Variants in USP34 observed in about 807,000 individuals in gnomAD.
The protein encoded by USP34 is ubiquitin specific peptidase 34.
A neutral mutation model predicts 460.3 loss-of-function variants in USP34; 70 were observed. That is an observed-to-expected ratio of 0.15 (90% CI 0.13 to 0.19). The LOEUF is 0.19. USP34 is among the 10% of genes least tolerant of loss of function. The pLI is 1.00. For synonymous variants in USP34, 1,647 were observed against 1,405.3 expected (o/e 1.17, Z -3.85); for missense variants, 3,985 against 4,236.2 (o/e 0.94, Z 1.65).
At chr2:61,271,503 G>A (rs1689212365) in intron 41 of USP34, among the ~76,000 whole-genome samples, 1 of 152,044 alleles carries the variant, frequency 6.6e-6, no homozygotes. Context: ...TCATCCATTT[G>A]CTCAACATAG....
intron 29 of USP34, among the ~76,000 whole-genome samples, chr2:61,299,160 T>TA (rs1199858483): frequency 6.6e-6 from 1 of 151,968 alleles, no homozygotes; most frequent in Admixed American, 6.6e-5. Flanking sequence ...AACTGAGGTA[T>TA]AAGAAACAGA....
chr2:61,365,294 T>TACACACACACACACAC (rs1255160949), intron 10 of USP34, among the ~76,000 whole-genome samples: 1 of 109,756 alleles, frequency 9.1e-6, no homozygotes, highest in Non-Finnish European at 2.0e-5. Context: ...CACACACACG[T>TACACACACACACACAC]GTGTTTATTT....
chr2:61,347,930 C>A lies in USP34; in HGVS notation c.2225G>T (p.Arg742Leu). 1 of 1,613,892 alleles carries A rather than the reference C, an allele frequency of 6.2e-7. No homozygotes were observed. The highest frequency in any genetic ancestry group is 1.3e-5 in the African/African-American group (1 of 74,992). The change falls in exon 15 of 80, where the codon CGA (arginine) becomes CTA (leucine). Residue 742 changes from arginine (R) to leucine (L), a missense_variant. Around this residue, in one of 14 missense-constraint regions of USP34, gnomAD observed 716 missense variants for 626.2 expected, o/e 1.14. Coordinates refer to ENST00000398571, the MANE Select transcript of USP34 (RefSeq NM_014709.4). ...GTGATGCTGTGGACCAATAAATTGT[C>A]GACAATTAAATAATTCATTCCCAAT... ...ETIGNELFNCRQFIGPQHHHH... is the reference protein window; with the variant it reads ...ETIGNELFNCLQFIGPQHHHH...
intron 1 of USP34, among the ~76,000 whole-genome samples, chr2:61,434,987 A>G (rs1210914734): frequency 6.6e-6 from 1 of 152,142 alleles, no homozygotes; most frequent in Non-Finnish European, 1.5e-5. Context: ...AATAAGGAAA[A>G]TAATTCATGA....
chr2:61,406,375 C>T (rs769768358), intron 2 of USP34, among the ~76,000 whole-genome samples: 3 of 151,970 alleles, frequency 2.0e-5, no homozygotes, highest in Non-Finnish European at 2.9e-5. Context: ...ATTTGTCTGT[C>T]CTTCTACACA....
intron 41 of USP34, among the ~76,000 whole-genome samples, chr2:61,270,527 C>T (rs1188493459): frequency 2.6e-5 from 4 of 152,188 alleles, no homozygotes; most frequent in Admixed American, 2.6e-4. Context: ...CCTCCACCTC[C>T]CTGGTTCAAG....
Position 61,241,825 on chromosome 2 carries a change from T to C in USP34, c.6628-6A>G, listed in dbSNP as rs543184506. On this transcript the variant is annotated splice_polypyrimidine_tract_variant and splice_region_variant and intron_variant, in intron 51 of 79. Transcript: ENST00000398571. Reference sequence around the variant, plus strand: ...ACAGAATCATAGGTCTTGGTCTGTTTAAAAATACAAAAGTTTTACTTCTTT... The same window carrying C: ...ACAGAATCATAGGTCTTGGTCTGTTCAAAAATACAAAAGTTTTACTTCTTT... The C allele has an allele frequency of 3.4e-6, 5 of 1,491,582 alleles. No individual in the cohort carries two copies. In the African/African-American group the frequency reaches 4.3e-5, roughly 13 times the overall value. 92.4% of individuals were successfully genotyped at this position (1,491,582 alleles called of 1,614,324 possible).
intron 1 of USP34, among the ~76,000 whole-genome samples, chr2:61,463,669 A>T (rs1030562133): frequency 6.6e-6 from 1 of 151,994 alleles, no homozygotes; most frequent in Non-Finnish European, 1.5e-5. Flanking sequence ...CCCCACATCG[A>T]CTAAAATTAC....
At position 61,188,063 on chromosome 2, in the gene USP34, G is replaced by A. The variant is rs749687408; in HGVS notation, c.*39C>T. 1.3e-6 allele frequency: 2 copies of A among 1,579,024 alleles called. No homozygotes were observed. Among genetic ancestry groups the A allele is most frequent in the South Asian group, 1.2e-5 (1 of 84,572 alleles). Reference sequence around the variant, plus strand: ...ACTTATACAAACAGCATGGGGGTTGGGGGTGAGGGACTTAAAAGTAGACAT... The same window carrying A: ...ACTTATACAAACAGCATGGGGGTTGAGGGTGAGGGACTTAAAAGTAGACAT... On this transcript the variant is annotated 3_prime_UTR_variant, in exon 80 of 80. Transcript: ENST00000398571.
At chr2:61,228,433 C>T (rs1173479266) in intron 61 of USP34, among the ~76,000 whole-genome samples, 2 of 152,188 alleles carry the variant, frequency 1.3e-5, no homozygotes, top group Non-Finnish European at 2.9e-5. Context: ...CCAGACCTTA[C>T]CAATGAATGA....
intron 2 of USP34, among the ~76,000 whole-genome samples, chr2:61,411,003 A>C (rs1694020243): frequency 6.6e-6 from 1 of 152,194 alleles, no homozygotes; most frequent in Non-Finnish European, 1.5e-5. Flanking sequence ...AAAAAAACAA[A>C]ATATTATTCC....
chr2:61,301,715 C>T (rs1690231017), intron 27 of USP34, among the ~76,000 whole-genome samples: 1 of 152,186 alleles, frequency 6.6e-6, no homozygotes, highest in African/African-American at 2.4e-5. Context: ...CTTGCCCTTT[C>T]TTGAAAATAA....
At chr2:61,453,608 G>A (rs992378427) in intron 1 of USP34, among the ~76,000 whole-genome samples, 1 of 151,002 alleles carries the variant, frequency 6.6e-6, no homozygotes, top group African/African-American at 2.4e-5. Flanking sequence ...TACTCAGGAG[G>A]CTGAGGCAGG....
chr2:61,348,890 T>C lies in USP34; in HGVS notation c.1544-4A>G. 1.9e-6 allele frequency: 3 copies of C among 1,594,080 alleles called. No individual in the cohort carries two copies. The highest frequency in any genetic ancestry group is 2.6e-6 in the Non-Finnish European group (3 of 1,174,144). On this transcript the variant is annotated splice_region_variant and splice_polypyrimidine_tract_variant and intron_variant, in intron 13 of 79. Coordinates refer to ENST00000398571, the MANE Select transcript of USP34 (RefSeq NM_014709.4). ...TGAGGACTAGCTGCAGGTGACCCTATATAAAATACATTTTTTGTTTTTACT... is the reference window on the plus strand; with the variant it reads ...TGAGGACTAGCTGCAGGTGACCCTACATAAAATACATTTTTTGTTTTTACT...
intron 64 of USP34, 66 bp from the exon 65 acceptor site, chr2:61,222,729 CTA>C: frequency 1.4e-6 from 2 of 1,464,338 alleles, no homozygotes; most frequent in East Asian, 2.3e-5. Context: ...CAGGGTTTCG[CTA>C]TGTCACCCAG....
chr2:61,223,281 T>C lies in USP34; in HGVS notation c.7611A>G (p.Ser2537=), dbSNP rs201511642. ...CTGTTAATGCTGCCATGTCAGTCTG[T>C]GATAATGTCAAATGCCTGAAAGAAA... is the stretch of plus-strand genomic sequence containing the variant. ...QSRSERHLTL[S]QTDMAALTGG... is the part of the protein sequence containing the mutation. Residue 2537 remains serine (S), a synonymous_variant, in exon 63 of 80, where the codon TCA becomes TCG. Transcript: ENST00000398571. 1.4e-4 allele frequency: 222 copies of C among 1,613,820 alleles called. No homozygotes were observed. The highest frequency in any genetic ancestry group is 1.8e-4 in the Non-Finnish European group (207 of 1,179,958).
intron 27 of USP34, among the ~76,000 whole-genome samples, chr2:61,301,990 G>A (rs754392013): frequency 2.6e-5 from 4 of 151,818 alleles, no homozygotes; most frequent in African/African-American, 7.3e-5. Context: ...AAGAAAGAAA[G>A]AAAAAAAGGA....
At chr2:61,460,002 C>G (rs751765519) in intron 1 of USP34, among the ~76,000 whole-genome samples, 1 of 152,144 alleles carries the variant, frequency 6.6e-6, no homozygotes, top group Non-Finnish European at 1.5e-5. Context: ...GCAGAACTTG[C>G]AGTGAGCCGA....
In USP34 at chr2:61,187,999, A is replaced by C. The variant is rs1338531964; in HGVS notation, c.*103T>G. On this transcript the variant is annotated 3_prime_UTR_variant, in exon 80 of 80. Coordinates refer to ENST00000398571, the MANE Select transcript of USP34 (RefSeq NM_014709.4). ...AATCTATCTTGCCATTCAAGCAGAGAGCACTGGACAAACTGAAGCACAAAA... is the reference window on the plus strand; with the variant it reads ...AATCTATCTTGCCATTCAAGCAGAGCGCACTGGACAAACTGAAGCACAAAA... The C allele has an allele frequency of 7.4e-6, 11 of 1,496,328 alleles. No homozygotes were observed. Among genetic ancestry groups the C allele is most frequent in the Admixed American group, 2.5e-5 (1 of 40,444 alleles). 92.7% of individuals were successfully genotyped at this position (1,496,328 alleles called of 1,614,324 possible).
Sources: gnomAD v4.1 joint callset for allele counts (sites outside exome capture counted in the v4.1 genomes callset) on GRCh38, gnomAD v4.1.1 for gene constraint, gnomAD v4.1.1 regional missense constraint, MANE v1.5 for transcripts, NCBI Gene and HGNC (gene_info 2026-07-23, HGNC 2026-07-21) for gene names.